NUP214: variants seen among roughly 807,000 people sequenced by gnomAD.
The protein encoded by NUP214 is nucleoporin 214.
A neutral mutation model predicts 196.2 loss-of-function variants in NUP214; 79 were observed. The observed-to-expected ratio is 0.40, with a 90% CI of 0.34 to 0.49. The LOEUF (loss-of-function observed/expected upper bound fraction) is 0.49, where lower values mean the gene tolerates loss of function less well. NUP214 is among the 20% of genes least tolerant of loss of function. NUP214 has a pLI of 0.58. For missense variants in NUP214, 2,468 were observed against 2,539.0 expected, an observed-to-expected ratio of 0.97 and a Z score of 0.60; for synonymous variants, 1,020 against 990.5, an observed-to-expected ratio of 1.03 and a Z score of -0.56.
intron 4 of NUP214, 106 bp from the exon 5 acceptor site, chr9:131,130,660 C>T (rs1588121291): frequency 2.8e-6 from 3 of 1,060,172 alleles, no homozygotes; most frequent in African/African-American, 1.6e-5. Flanking sequence ...CTACAATCTT[C>T]CATGGACTGA....
intron 27 of NUP214, chr9:131,193,759 C>T (rs1833692426): frequency 6.9e-6 from 1 of 145,906 alleles, no homozygotes; most frequent in Non-Finnish European, 1.5e-5. Flanking sequence ...TCAAGTGATT[C>T]TCTTGCCCTA....
chr9:131,144,223 AT>A, intron 11 of NUP214, 56 bp from the exon 12 acceptor site: 1 of 1,323,236 alleles, frequency 7.6e-7, no homozygotes, highest in South Asian at 1.3e-5. Flanking sequence ...GCTTTCTATT[AT>A]GTGAACCTCC....
chr9:131,138,407 G>A (rs1831806556), intron 9 of NUP214, among the ~76,000 whole-genome samples: 1 of 151,852 alleles, frequency 6.6e-6, no homozygotes, highest in African/African-American at 2.4e-5. Flanking sequence ...TGGTAGAGAC[G>A]GGATTTCACC....
chr9:131,171,547 C>CTTTTTTTTTTTTTTTTTTTTTTTT (rs11334591), intron 21 of NUP214, among the ~76,000 whole-genome samples: 1 of 127,350 alleles, frequency 7.9e-6, no homozygotes. Context: ...GGAAGATTTT[C>CTTTTTTTTTTTTTTTTTTTTTTTT]TTTTTTTTTT....
At chr9:131,178,440 C>T in intron 24 of NUP214, 30 bp downstream of exon 24, 2 of 1,524,700 alleles carry the variant, frequency 1.3e-6, no homozygotes, top group Non-Finnish European at 1.8e-6. Flanking sequence ...TGTTTCAGCC[C>T]CTGGCTGCTT....
At chr9:131,134,417 T>C (rs1831652680) in intron 7 of NUP214, among the ~76,000 whole-genome samples, 1 of 152,172 alleles carries the variant, frequency 6.6e-6, no homozygotes, top group South Asian at 2.1e-4. Flanking sequence ...TTTAACTCTT[T>C]TGGATTTCTA....
In NUP214 at chr9:131,128,513, A is replaced by G. The variant is rs967174; in HGVS notation, c.393+30A>G. 0.24 allele frequency: 375,898 copies of G among 1,568,318 alleles called. 46,370 individuals carry two copies. The highest frequency in any genetic ancestry group is 0.37 in the East Asian group (16,467 of 44,056). ...GCTACTGTTATACTGTGATGTCAAC[A>G]TGAGAACCCTAAGCAGATTTCCTTG... On this transcript the variant is annotated intron_variant, in intron 3 of 35. Transcript: ENST00000359428.
At chr9:131,151,301 A>G (rs962401204) in intron 16 of NUP214, among the ~76,000 whole-genome samples, 6 of 152,278 alleles carry the variant, frequency 3.9e-5, no homozygotes, top group African/African-American at 1.2e-4. Flanking sequence ...CTGTTACCCT[A>G]TTTTGCAAGT....
At chr9:131,143,468 TAC>T (rs1363960954) in intron 11 of NUP214, among the ~76,000 whole-genome samples, 25 of 152,296 alleles carry the variant, frequency 1.6e-4, no homozygotes, top group African/African-American at 6.0e-4. Flanking sequence ...TTAAAAAAAA[TAC>T]TAGTTACCTA....
At chr9:131,158,012 ACCTCGAGTAATACACCCGTCCTGG>A (rs1458954248) in intron 17 of NUP214, among the ~76,000 whole-genome samples, 5 of 150,500 alleles carry the variant, frequency 3.3e-5, no homozygotes, top group African/African-American at 1.2e-4. Flanking sequence ...CGAGCTCCTG[ACCTCGAGTAATACACCCGTCCTGG>A]CCTCCCAAAG....
chr9:131,177,487 G>T (rs1014568213), intron 23 of NUP214, among the ~76,000 whole-genome samples: 2 of 152,092 alleles, frequency 1.3e-5, no homozygotes, highest in East Asian at 1.9e-4. Flanking sequence ...AATTTCTAAG[G>T]TATAGGCACC....
At chr9:131,193,172 G>A (rs1040299583) in intron 27 of NUP214, among the ~76,000 whole-genome samples, 3 of 152,070 alleles carry the variant, frequency 2.0e-5, no homozygotes, top group Admixed American at 2.0e-4. Flanking sequence ...CTCAAGATGA[G>A]CCTTTGTTAA....
intron 29 of NUP214, 130 bp from the exon 30 acceptor site, chr9:131,201,517 A>ATC (rs1833937469): frequency 1.5e-6 from 1 of 659,768 alleles, no homozygotes; most frequent in Non-Finnish European, 2.6e-6. Flanking sequence ...GTGAGCCAAG[A>ATC]TCCCACCATT....
At chr9:131,154,849 GCGCA>G (rs1257118087) in intron 17 of NUP214, among the ~76,000 whole-genome samples, 1 of 152,172 alleles carries the variant, frequency 6.6e-6, no homozygotes, top group Non-Finnish European at 1.5e-5. Context: ...GTGTGCGCAC[GCGCA>G]CGCTCGCGTG....
In NUP214 at chr9:131,134,766, A is replaced by G. The variant is rs1404942464; in HGVS notation, c.832-132A>G. The stretch of plus-strand genomic sequence containing the variant: ...TTGTACTAAGTGCTGCCTTTATACC[A>G]TGTCCGTATATCTGGACTTTGAGTA... On this transcript the variant is annotated intron_variant, in intron 7 of 35. Coordinates refer to ENST00000359428, the MANE Select transcript of NUP214 (RefSeq NM_005085.4). 11 of 646,122 alleles carry G rather than the reference A, an allele frequency of 1.7e-5. No homozygotes were observed. The East Asian group carries it at 2.2e-4, about 13-fold the overall frequency. 40.0% of individuals were successfully genotyped at this position (646,122 alleles called of 1,614,324 possible). A position where few individuals can be genotyped will look rare whatever the true frequency, so the allele number is the denominator to read the frequency against.
Position 131,163,056 on chromosome 9 carries a change from A to G in NUP214, c.2606A>G (p.Asn869Ser), listed in dbSNP as rs750052303. 3.8e-5 allele frequency: 61 copies of G among 1,614,158 alleles called. No individual in the cohort carries two copies. Among genetic ancestry groups the G allele is most frequent in the Non-Finnish European group, 4.9e-5 (58 of 1,180,006 alleles). ...NTLANNREIINQQRKRLNHLV... is the reference protein window; with the variant it reads ...NTLANNREIISQQRKRLNHLV... ...CTAGCCAACAATCGGGAAATCATCAACCAACAGAGGAAGAGGCTGAATCAC... is the reference window on the plus strand; with the variant it reads ...CTAGCCAACAATCGGGAAATCATCAGCCAACAGAGGAAGAGGCTGAATCAC... Residue 869 changes from asparagine (N) to serine (S), a missense_variant, in exon 19 of 36, where the codon AAC becomes AGC. Asn to Ser is a conservative substitution (Grantham distance 46). Around this residue, in one of 5 missense-constraint regions of NUP214, gnomAD observed 1,801 missense variants for 1,779.4 expected, o/e 1.01. Transcript: ENST00000359428.
chr9:131,128,193 A>G (rs1831422038), intron 2 of NUP214, 139 bp from the exon 3 acceptor site: 3 of 589,376 alleles, frequency 5.1e-6, no homozygotes, highest in African/African-American at 1.9e-5. Context: ...GAAAGTTAAG[A>G]TTTATCTGTA....
Position 131,187,184 on chromosome 9 carries a change from A to G in NUP214, c.3420-105A>G. The G allele has an allele frequency of 4.3e-6, 4 of 931,802 alleles. No homozygotes were observed. The South Asian group carries it at 5.5e-5, about 13-fold the overall frequency. 57.7% of individuals were successfully genotyped at this position (931,802 alleles called of 1,614,324 possible). ...TTGGGGTCCCATGCATCTGTATCCT[A>G]CCCAAAACTGGTATTGTATATTGGA... On this transcript the variant is annotated intron_variant, in intron 24 of 35. Coordinates refer to ENST00000359428, the MANE Select transcript of NUP214 (RefSeq NM_005085.4).
In NUP214 at chr9:131,127,526, T is replaced by C; in HGVS notation, c.48T>C (p.Asp16=). The C allele has an allele frequency of 6.2e-7, 1 of 1,600,998 alleles. No individual in the cohort carries two copies. Among genetic ancestry groups the C allele is most frequent in the Non-Finnish European group, 8.5e-7 (1 of 1,174,294 alleles). The change falls in exon 2 of 36, where the codon GAT becomes GAC. Residue 16 remains aspartate (D), a splice_region_variant and synonymous_variant. Transcript: ENST00000359428. ...DAMIPEREMK[D]FQFRALKKVR... ...CTCGTTTTGATTCTTCACAACAGGA[T>C]TTTCAGTTTAGAGCGCTAAAGAAGG...
Sources: gnomAD v4.1 joint callset for allele counts (sites outside exome capture counted in the v4.1 genomes callset) on GRCh38, gnomAD v4.1.1 for gene constraint, gnomAD v4.1.1 regional missense constraint, MANE v1.5 for transcripts, NCBI Gene and HGNC (gene_info 2026-07-23, HGNC 2026-07-21) for gene names.